Variants in TMC2 observed in about 807,000 individuals in gnomAD.
TMC2 encodes transmembrane channel-like protein 2.
Under a neutral mutation model 105.9 loss-of-function variants are expected in TMC2, and 102 were observed. The observed-to-expected ratio is 0.96, with a 90% CI of 0.82 to 1.14. TMC2 has a LOEUF of 1.14. Among genes scored for constraint, TMC2 ranks in the 50% most tolerant of loss-of-function variants. The pLI is 0.00. For synonymous variants in TMC2, 402 were observed against 422.8 expected, an observed-to-expected ratio of 0.95 and a Z score of 0.60; for missense variants, 1,093 against 1,134.3, an observed-to-expected ratio of 0.96 and a Z score of 0.52.
At chr20:2,629,986 T>A (rs1383311041) in intron 17 of TMC2, among the ~76,000 whole-genome samples, 1 of 152,224 alleles carries the variant, frequency 6.6e-6, no homozygotes, top group Non-Finnish European at 1.5e-5. Context: ...TGCCTGGCCC[T>A]CTGCAGAAAA....
chr20:2,596,968 G>A (rs952873789), intron 9 of TMC2, among the ~76,000 whole-genome samples, 183 bp from the exon 10 acceptor site: 9 of 152,100 alleles, frequency 5.9e-5, no homozygotes, highest in Admixed American at 2.0e-4. Context: ...AATTTGGGGG[G>A]AAGGGTGTCC....
chr20:2,627,857 T>C (rs1238982355), intron 17 of TMC2, among the ~76,000 whole-genome samples: 1 of 152,138 alleles, frequency 6.6e-6, no homozygotes, highest in Non-Finnish European at 1.5e-5. Flanking sequence ...AAATAATCTG[T>C]GATCATTTTT....
At chr20:2,562,490 C>T (rs1368091127) in intron 4 of TMC2, among the ~76,000 whole-genome samples, 1 of 152,256 alleles carries the variant, frequency 6.6e-6, no homozygotes, top group Non-Finnish European at 1.5e-5. Flanking sequence ...ATCCCCATTG[C>T]CTGGCACCAG....
intron 2 of TMC2, 132 bp downstream of exon 2, chr20:2,537,448 C>A: frequency 1.3e-6 from 1 of 792,818 alleles, no homozygotes; most frequent in Non-Finnish European, 2.1e-6. Context: ...TGCATGGAGC[C>A]TTCCTGGGAG....
chr20:2,540,495 T>C (rs894543474), intron 2 of TMC2, among the ~76,000 whole-genome samples: 1 of 151,658 alleles, frequency 6.6e-6, no homozygotes, highest in Non-Finnish European at 1.5e-5. Context: ...ACCCTGTCTC[T>C]ACTAAAAATA....
intron 5 of TMC2, among the ~76,000 whole-genome samples, chr20:2,578,502 C>T (rs1376590612): frequency 6.6e-6 from 1 of 152,110 alleles, no homozygotes; most frequent in Admixed American, 6.6e-5. Context: ...AAAACAACAC[C>T]CAGCCATAGA....
intron 17 of TMC2, among the ~76,000 whole-genome samples, chr20:2,634,412 G>C (rs2086627046): frequency 6.6e-6 from 1 of 152,218 alleles, no homozygotes; most frequent in East Asian, 1.9e-4. Context: ...GATCTGCTCT[G>C]TGCCCTGAAT....
chr20:2,578,698 G>A (rs772096515), intron 5 of TMC2, among the ~76,000 whole-genome samples: 15 of 150,450 alleles, frequency 1.0e-4, no homozygotes, highest in Non-Finnish European at 1.6e-4. Context: ...GCAATTTTGC[G>A]ACAGTTCCTA....
intron 2 of TMC2, among the ~76,000 whole-genome samples, chr20:2,551,262 C>G (rs188950749): frequency 6.6e-6 from 1 of 152,122 alleles, no homozygotes; most frequent in Non-Finnish European, 1.5e-5. Flanking sequence ...TGTATACTTT[C>G]TTTGGTGAGA....
chr20:2,594,714 C>G (rs6107014), intron 8 of TMC2, 111 bp from the exon 9 acceptor site: 1 of 1,209,906 alleles, frequency 8.3e-7, no homozygotes, highest in East Asian at 2.4e-5. Context: ...TCCTTCGGCC[C>G]TTAGATTCGG....
chr20:2,618,168 C>T (rs1311583483), intron 16 of TMC2: 1 of 152,442 alleles, frequency 6.6e-6, no homozygotes, highest in Non-Finnish European at 1.5e-5. Context: ...ATCCCCACTC[C>T]TCTCTATCCT....
intron 4 of TMC2, among the ~76,000 whole-genome samples, chr20:2,564,810 G>A (rs955429781): frequency 6.6e-6 from 1 of 152,090 alleles, no homozygotes; most frequent in Non-Finnish European, 1.5e-5. Flanking sequence ...CACTGGAGTG[G>A]GCCTCCCCAG....
chr20:2,579,136 T>G lies in TMC2; in HGVS notation c.646-10T>G, dbSNP rs1447932826. 2 of 1,520,978 alleles carry G rather than the reference T, an allele frequency of 1.3e-6. No individual in the cohort carries two copies. Among genetic ancestry groups the G allele is most frequent in the Non-Finnish European group, 1.8e-6 (2 of 1,096,022 alleles). The allele number at this position is 1,520,978 out of a possible 1,614,324, so 94.2% of individuals were successfully genotyped here. A position where few individuals can be genotyped will look rare whatever the true frequency, so the allele number is the denominator to read the frequency against. On this transcript the variant is annotated splice_polypyrimidine_tract_variant and intron_variant, in intron 5 of 19. Transcript: ENST00000358864. ...TTAAGGAACTGAGAGTTTTACGTCTTTTATTTCAGAAATGGGTCAAATTTA... is the reference window on the plus strand; with the variant it reads ...TTAAGGAACTGAGAGTTTTACGTCTGTTATTTCAGAAATGGGTCAAATTTA...
Position 2,602,155 on chromosome 20 carries a change from A to G in TMC2, c.1267A>G (p.Ile423Val). Residue 423 changes from isoleucine (I) to valine (V), a missense_variant, in exon 11 of 20, where the codon ATC (isoleucine) becomes GTC (valine). By Grantham distance (29) the Ile-to-Val change is conservative (BLOSUM62 3). Coordinates refer to ENST00000358864, the MANE Select transcript of TMC2 (RefSeq NM_080751.3). ...ACAAGAGAGTAACAAAGAAGAAAATATCCATCTGACAAGATTTCTTCGTGT... is the reference window on the plus strand; with the variant it reads ...ACAAGAGAGTAACAAAGAAGAAAATGTCCATCTGACAAGATTTCTTCGTGT... ...DEQESNKEEN[I>V]HLTRFLRVLA... 6.2e-7 allele frequency: 1 copy of G among 1,612,892 alleles called. No homozygotes were observed. Among genetic ancestry groups the G allele is most frequent in the Non-Finnish European group, 8.5e-7 (1 of 1,179,614 alleles).
intron 16 of TMC2, among the ~76,000 whole-genome samples, chr20:2,620,239 C>A (rs2086515471): frequency 6.6e-6 from 1 of 152,122 alleles, no homozygotes; most frequent in Non-Finnish European, 1.5e-5. Flanking sequence ...AACTGATAAA[C>A]AAGAAAGTAC....
chr20:2,556,148 G>T (rs1011737320), intron 2 of TMC2, among the ~76,000 whole-genome samples: 1 of 152,048 alleles, frequency 6.6e-6, no homozygotes, highest in African/African-American at 2.4e-5. Context: ...GAGTGCAGTG[G>T]TGCGATCTCG....
intron 7 of TMC2, among the ~76,000 whole-genome samples, chr20:2,582,781 C>T (rs946183316): frequency 1.1e-4 from 17 of 152,092 alleles, no homozygotes; most frequent in African/African-American, 2.7e-4. Flanking sequence ...TGGCCTTGAA[C>T]GCAACTTTAA....
At chr20:2,595,930 G>A (rs1288597937) in intron 9 of TMC2, among the ~76,000 whole-genome samples, 1 of 152,218 alleles carries the variant, frequency 6.6e-6, no homozygotes, top group East Asian at 1.9e-4. Context: ...ACCACTGGGT[G>A]ATCTCTGACT....
intron 10 of TMC2, among the ~76,000 whole-genome samples, chr20:2,599,869 C>G (rs1031240165): frequency 6.6e-6 from 1 of 152,240 alleles, no homozygotes; most frequent in East Asian, 1.9e-4. Context: ...TGCCCCTCCC[C>G]TCTCTTGAAT....
Sources: gnomAD v4.1 joint callset for allele counts (sites outside exome capture counted in the v4.1 genomes callset) on GRCh38, gnomAD v4.1.1 for gene constraint, MANE v1.5 for transcripts, NCBI Gene and HGNC (gene_info 2026-07-23, HGNC 2026-07-21) for gene names.